CEP126: variants seen among roughly 807,000 people sequenced by gnomAD.
CEP126 encodes centrosomal protein 126, also known as centrosomal protein of 126 kDa.
Under a neutral mutation model 107.8 loss-of-function variants are expected in CEP126, and 74 were observed. That is an observed-to-expected ratio of 0.69 (90% confidence interval 0.57 to 0.83). CEP126 has a LOEUF of 0.83. CEP126 is among the 40% of genes least tolerant of loss of function. CEP126 has a pLI of 0.00. For synonymous variants in CEP126, 449 were observed against 446.0 expected, an observed-to-expected ratio of 1.01 and a Z score of -0.08; for missense variants, 1,237 against 1,281.9, an observed-to-expected ratio of 0.96 and a Z score of 0.53.
Position 101,962,960 on chromosome 11 carries a change from A to G in CEP126, c.1925A>G (p.Asn642Ser), listed in dbSNP as rs1448779684. 3 of 1,611,138 alleles carry G rather than the reference A, an allele frequency of 1.9e-6. No homozygotes were observed. The highest frequency in any genetic ancestry group is 2.5e-6 in the Non-Finnish European group (3 of 1,179,332). ...GATGAAACTAGCAATATAGAAAACAATGCTGAAAACAGTCATTCACTGAAG... is the reference window on the plus strand; with the variant it reads ...GATGAAACTAGCAATATAGAAAACAGTGCTGAAAACAGTCATTCACTGAAG... ...WFDETSNIENNAENSHSLKNK... is the reference protein window; with the variant it reads ...WFDETSNIENSAENSHSLKNK... Residue 642 changes from asparagine (N) to serine (S), a missense_variant, in exon 6 of 11, where the codon AAT becomes AGT. Physicochemically the swap from Asn to Ser is conservative, Grantham distance 46. Transcript: ENST00000263468.
At position 101,963,245 on chromosome 11, in the gene CEP126, C is replaced by G; in HGVS notation, c.2210C>G (p.Pro737Arg). The change falls in exon 6 of 11, where the codon CCT becomes CGT. Residue 737 changes from proline to arginine, a missense_variant. Around this residue, in one of 3 missense-constraint regions of CEP126, gnomAD observed 1,134 missense variants for 1,150.5 expected, o/e 0.99. Coordinates refer to ENST00000263468, the MANE Select transcript of CEP126 (RefSeq NM_020802.4). Reference sequence around the variant, plus strand: ...TCAAAAAAAGAAGAAAGTAAAATCCCTGTACATGATGATTCTAAAACTAAG... The same window carrying G: ...TCAAAAAAAGAAGAAAGTAAAATCCGTGTACATGATGATTCTAAAACTAAG... ...PASKKEESKIPVHDDSKTKQG... is the reference protein window; with the variant it reads ...PASKKEESKIRVHDDSKTKQG... 6.2e-7 allele frequency: 1 copy of G among 1,613,966 alleles called. No homozygotes were observed. The highest frequency in any genetic ancestry group is 8.5e-7 in the Non-Finnish European group (1 of 1,180,006).
At chr11:101,926,502 AGAG>A (rs1299717866) in intron 2 of CEP126, among the ~76,000 whole-genome samples, 3 of 152,240 alleles carry the variant, frequency 2.0e-5, no homozygotes, top group Admixed American at 2.0e-4. Flanking sequence ...GAATAAAATC[AGAG>A]GAGTGTCATG....
rs1033212982 is a variant in CEP126, at chr11:101,964,407, C to T, written c.2845+527C>T. Reference sequence around the variant, plus strand: ...CAGCACTTTGGGAGGCCAAGGCACGCGGATTTACTTGAAGTTGGAAGTTCG... The same window carrying T: ...CAGCACTTTGGGAGGCCAAGGCACGTGGATTTACTTGAAGTTGGAAGTTCG... On this transcript the variant is annotated intron_variant, in intron 6 of 10. Transcript: ENST00000263468. Among the ~76,000 whole-genome samples the T allele has an allele frequency of 5.3e-5, 8 of 151,788 alleles. 2 individuals carry two copies. The Middle Eastern group carries it at 0.01, about 196-fold the overall frequency.
intron 6 of CEP126, among the ~76,000 whole-genome samples, chr11:101,966,683 T>C (rs1313508229): frequency 6.6e-6 from 1 of 152,232 alleles, no homozygotes; most frequent in Non-Finnish European, 1.5e-5. Context: ...TTTTCATCTC[T>C]AATAACTTTC....
At chr11:101,971,593 G>A (rs773713820) in intron 6 of CEP126, among the ~76,000 whole-genome samples, 1 of 152,086 alleles carries the variant, frequency 6.6e-6, no homozygotes, top group Non-Finnish European at 1.5e-5. Flanking sequence ...GACTCACTGC[G>A]TTGCCCAGGC....
chr11:101,948,371 T>C (rs1215525826), intron 4 of CEP126, among the ~76,000 whole-genome samples: 1 of 152,226 alleles, frequency 6.6e-6, no homozygotes. Flanking sequence ...ACTATGTATG[T>C]TAAATAATTT....
intron 2 of CEP126, among the ~76,000 whole-genome samples, chr11:101,941,621 G>A (rs1189819427): frequency 6.6e-6 from 1 of 152,030 alleles, no homozygotes. Context: ...AAAAATATCT[G>A]AGTCTCTGTT....
chr11:101,970,794 C>G (rs996773375), intron 6 of CEP126, among the ~76,000 whole-genome samples: 1 of 152,028 alleles, frequency 6.6e-6, no homozygotes, highest in Non-Finnish European at 1.5e-5. Context: ...AATATTGAAA[C>G]AAAGTTAATT....
At chr11:101,915,459 G>A in intron 1 of CEP126, 47 bp downstream of exon 1, 1 of 1,571,918 alleles carries the variant, frequency 6.4e-7, no homozygotes, top group Non-Finnish European at 8.7e-7. Context: ...GTTGAAAACG[G>A]GGCCCATCTT....
chr11:101,981,621 CA>C (rs1941255410), intron 7 of CEP126, among the ~76,000 whole-genome samples: 1 of 152,120 alleles, frequency 6.6e-6, no homozygotes, highest in African/African-American at 2.4e-5. Flanking sequence ...CCATCCAACT[CA>C]CTTTACCTCT....
chr11:101,936,961 G>A (rs533043406), intron 2 of CEP126, among the ~76,000 whole-genome samples: 2 of 152,212 alleles, frequency 1.3e-5, no homozygotes, highest in East Asian at 3.9e-4. Context: ...TATCTCAAAT[G>A]CTTGGAACTA....
At chr11:101,928,014 C>T (rs1169900307) in intron 2 of CEP126, among the ~76,000 whole-genome samples, 1 of 152,174 alleles carries the variant, frequency 6.6e-6, no homozygotes, top group Non-Finnish European at 1.5e-5. Flanking sequence ...AGCTTTTCCT[C>T]ATCCTCACTA....
chr11:101,920,550 T>A (rs1299448753), intron 1 of CEP126, among the ~76,000 whole-genome samples: 1 of 152,150 alleles, frequency 6.6e-6, no homozygotes, highest in Non-Finnish European at 1.5e-5. Context: ...TAATCTCATA[T>A]ATTTCTACAT....
chr11:101,933,279 T>C (rs11225071), intron 2 of CEP126, among the ~76,000 whole-genome samples: 8,590 of 152,186 alleles, frequency 0.056, 478 homozygotes, highest in East Asian at 0.28. Flanking sequence ...ATAAATCCTA[T>C]GGTAAGGTTA....
rs1941467646 is a variant in CEP126 at position 101,998,420 on chromosome 11, C to A, written c.*777C>A. On this transcript the variant is annotated 3_prime_UTR_variant, in exon 11 of 11. Coordinates refer to ENST00000263468, the MANE Select transcript of CEP126 (RefSeq NM_020802.4). ...GGCAACCCTGTCTCTACAAAAAATA[C>A]AAAAATTAACCAGGCATGGTGGCAT... is the stretch of plus-strand genomic sequence containing the variant. The A allele has an allele frequency of 6.6e-6, 1 of 151,416 alleles. No homozygotes were observed. The highest frequency in any genetic ancestry group is 1.5e-5 in the Non-Finnish European group (1 of 67,930). 9.4% of individuals were successfully genotyped at this position (151,416 alleles called of 1,614,324 possible).
chr11:101,956,436 C>A (rs1164891006), intron 4 of CEP126: 1 of 456,480 alleles, frequency 2.2e-6, no homozygotes, highest in Admixed American at 2.3e-5. Context: ...GTTCCACAAG[C>A]CACAGCATTG....
At position 101,921,016 on chromosome 11, in the gene CEP126, C is replaced by A. The variant is rs147126104; in HGVS notation, c.129-1625C>A. On this transcript the variant is annotated intron_variant, in intron 1 of 10. Coordinates refer to ENST00000263468, the MANE Select transcript of CEP126 (RefSeq NM_020802.4). Reference sequence around the variant, plus strand: ...CTTAATAATGTCAATTAAAACGCAACTAAATAAATTGGAGAAATTACTCAT... The same window carrying A: ...CTTAATAATGTCAATTAAAACGCAAATAAATAAATTGGAGAAATTACTCAT... 2.2e-3 allele frequency among the ~76,000 whole-genome samples: 332 copies of A among 152,240 alleles called. 3 individuals are homozygous for A. The highest frequency in any genetic ancestry group is 2.9e-3 in the Non-Finnish European group (198 of 68,012).
At chr11:101,989,117 A>G (rs1047807796) in intron 9 of CEP126, among the ~76,000 whole-genome samples, 1 of 152,186 alleles carries the variant, frequency 6.6e-6, no homozygotes, top group African/African-American at 2.4e-5. Flanking sequence ...CACACAGACC[A>G]TATCCTCTAA....
At chr11:101,939,536 G>C (rs1940637673) in intron 2 of CEP126, among the ~76,000 whole-genome samples, 1 of 152,166 alleles carries the variant, frequency 6.6e-6, no homozygotes, top group South Asian at 2.1e-4. Context: ...CAAGTGTTAA[G>C]TCAGAAACTG....
Sources: gnomAD v4.1 joint callset for allele counts (sites outside exome capture counted in the v4.1 genomes callset) on GRCh38, gnomAD v4.1.1 for gene constraint, gnomAD v4.1.1 regional missense constraint, MANE v1.5 for transcripts, NCBI Gene and HGNC (gene_info 2026-07-23, HGNC 2026-07-21) for gene names.